SGCD: variants seen among roughly 807,000 people sequenced by gnomAD.
SGCD encodes the protein sarcoglycan delta, also known as delta-sarcoglycan.
SGCD carries 18 observed loss-of-function variants against 36.6 expected under a neutral mutation model. The observed-to-expected ratio is 0.49, with a 90% CI of 0.34 to 0.73. SGCD has a LOEUF of 0.73. Ranked by LOEUF, SGCD falls within the 30% of genes least tolerant of loss-of-function variation. SGCD has a pLI of 0.01. For synonymous variants in SGCD, 133 were observed against 130.6 expected, an observed-to-expected ratio of 1.02 and a Z score of -0.12; for missense variants, 387 against 346.7, an observed-to-expected ratio of 1.12 and a Z score of -0.92.
intron 7 of SGCD, among the ~76,000 whole-genome samples, chr5:156,719,294 T>C (rs1401396348): frequency 6.6e-6 from 1 of 152,116 alleles, no homozygotes; most frequent in African/African-American, 2.4e-5. Flanking sequence ...TTTCAACTGA[T>C]TGGATGAGGC....
chr5:156,184,454 T>TA (rs1763687018), intron 3 of SGCD, among the ~76,000 whole-genome samples: 1 of 151,898 alleles, frequency 6.6e-6, no homozygotes, highest in Non-Finnish European at 1.5e-5. Context: ...TAAAATATTT[T>TA]AAAAAATAAT....
intron 3 of SGCD, among the ~76,000 whole-genome samples, chr5:156,406,814 A>ATATG (rs1772447303): frequency 8.5e-6 from 1 of 117,540 alleles, no homozygotes; most frequent in African/African-American, 3.5e-5. Context: ...ATATATATAT[A>ATATG]TATATACACA....
intron 3 of SGCD, among the ~76,000 whole-genome samples, chr5:156,505,127 C>G (rs180795342): frequency 6.6e-6 from 1 of 152,306 alleles, no homozygotes; most frequent in Non-Finnish European, 1.5e-5. Flanking sequence ...ATCCATCTGT[C>G]TATTTTGGGA....
At chr5:155,911,317 GTGTA>G (rs1260215743) in intron 1 of SGCD, among the ~76,000 whole-genome samples, 4 of 121,608 alleles carry the variant, frequency 3.3e-5, no homozygotes, top group African/African-American at 9.4e-5. Context: ...GTGTGTGTGT[GTGTA>G]TATATATATA....
In SGCD at chr5:156,036,250, A is replaced by C. The variant is rs140291211; in HGVS notation, c.-281-81628A>C. Among the ~76,000 whole-genome samples the C allele has an allele frequency of 2.6e-3, 399 of 152,342 alleles. 2 individuals carry two copies. Among genetic ancestry groups the C allele is most frequent in the African/African-American group, 6.5e-3 (272 of 41,584 alleles). ...ATAGAGACTTGTACAGCAGGTGCCA[A>C]GCAAGGAGAATCAGGTGGCTAACAC... On this transcript the variant is annotated intron_variant, in intron 1 of 9. Transcript: ENST00000517913.
chr5:155,829,068 T>C, the SGCD span, among the ~76,000 whole-genome samples: 9 of 152,106 alleles, frequency 5.9e-5, no homozygotes, highest in African/African-American at 2.2e-4. Context: ...TGTGATTTTT[T>C]ATATGCCACG....
At chr5:155,794,343 T>G in the SGCD span, among the ~76,000 whole-genome samples, 2,029 of 152,254 alleles carry the variant, frequency 0.013, 57 homozygotes, top group African/African-American at 0.045. Context: ...AAAAATCCTG[T>G]CAATAGAATA....
At chr5:156,745,217 T>C (rs1045941058) in intron 7 of SGCD, among the ~76,000 whole-genome samples, 1 of 152,188 alleles carries the variant, frequency 6.6e-6, no homozygotes, top group Non-Finnish European at 1.5e-5. Context: ...TAGTCTTCCC[T>C]ACCTGGCCCT....
At chr5:156,087,541 G>A (rs1761129585) in intron 1 of SGCD, among the ~76,000 whole-genome samples, 1 of 151,374 alleles carries the variant, frequency 6.6e-6, no homozygotes, top group Admixed American at 6.6e-5. Flanking sequence ...TCAGGAGGCT[G>A]TGGCAGGAGA....
chr5:155,994,359 T>C (rs1304740892), intron 1 of SGCD, among the ~76,000 whole-genome samples: 1 of 152,236 alleles, frequency 6.6e-6, no homozygotes, highest in East Asian at 1.9e-4. Flanking sequence ...GCTTAGTACC[T>C]GATAAATGCA....
At position 156,070,510 on chromosome 5, in the gene SGCD, A is replaced by G. The variant is rs571534820; in HGVS notation, c.-281-47368A>G. 4.3e-4 allele frequency among the ~76,000 whole-genome samples: 64 copies of G among 150,096 alleles called. 2 individuals are homozygous for G. The highest frequency in any genetic ancestry group is 1.6e-3 in the Admixed American group (24 of 15,244). The stretch of plus-strand genomic sequence containing the variant: ...TTGATCATGACTGATAAGCTTTTTG[A>G]TGTGCTGCTGGATTTGGTTTGCCAG... On this transcript the variant is annotated intron_variant, in intron 1 of 9. Transcript: ENST00000517913.
At chr5:156,393,023 T>A (rs996506097) in intron 3 of SGCD, among the ~76,000 whole-genome samples, 4 of 152,144 alleles carry the variant, frequency 2.6e-5, no homozygotes, top group Non-Finnish European at 4.4e-5. Context: ...CTCACCTAGG[T>A]CTGTGGGCAC....
chr5:156,556,337 T>C (rs370929649), intron 4 of SGCD, among the ~76,000 whole-genome samples: 2 of 152,104 alleles, frequency 1.3e-5, no homozygotes, highest in South Asian at 2.1e-4. Context: ...AGGGTCTTTT[T>C]CTAGAAATCT....
the SGCD span, among the ~76,000 whole-genome samples, chr5:155,788,739 G>A: frequency 6.6e-6 from 1 of 152,072 alleles, no homozygotes; most frequent in Admixed American, 6.6e-5. Flanking sequence ...CATTGTCTTT[G>A]CTTTCAAGGG....
intron 1 of SGCD, among the ~76,000 whole-genome samples, chr5:155,884,201 C>T (rs188846274): frequency 1.5e-4 from 23 of 152,200 alleles, no homozygotes; most frequent in East Asian, 1.9e-4. Flanking sequence ...CTCTCTTGTG[C>T]GAGATGAGGG....
At chr5:156,409,883 T>G (rs373888393) in intron 3 of SGCD, among the ~76,000 whole-genome samples, 59 of 152,254 alleles carry the variant, frequency 3.9e-4, no homozygotes, top group African/African-American at 1.3e-3. Flanking sequence ...TTAGTCCCAT[T>G]ATTTTTCTTT....
intron 7 of SGCD, among the ~76,000 whole-genome samples, chr5:156,687,511 C>T (rs1753947419): frequency 6.6e-6 from 1 of 152,124 alleles, no homozygotes; most frequent in Admixed American, 6.5e-5. Flanking sequence ...TGTCACTGAA[C>T]TGAATAGCTA....
chr5:156,685,670 A>G (rs1422474881), intron 7 of SGCD, among the ~76,000 whole-genome samples: 1 of 152,204 alleles, frequency 6.6e-6, no homozygotes, highest in Non-Finnish European at 1.5e-5. Flanking sequence ...AGAAGCTTAC[A>G]GTACAGTTGG....
At chr5:156,728,527 A>AAC in intron 7 of SGCD, among the ~76,000 whole-genome samples, 1 of 150,810 alleles carries the variant, frequency 6.6e-6, no homozygotes, top group Non-Finnish European at 1.5e-5. Flanking sequence ...AAAAAAAAAA[A>AAC]AAAAAAAAAG....
Sources: gnomAD v4.1 joint callset for allele counts (sites outside exome capture counted in the v4.1 genomes callset) on GRCh38, gnomAD v4.1.1 for gene constraint, MANE v1.5 for transcripts, NCBI Gene and HGNC (gene_info 2026-07-23, HGNC 2026-07-21) for gene names.